NUDT2: variants seen among roughly 807,000 people sequenced by gnomAD.
NUDT2 encodes the protein nudix hydrolase 2.
NUDT2 carries 12 observed loss-of-function variants against 14.2 expected under a neutral mutation model. The observed-to-expected ratio is 0.84, with a 90% CI of 0.54 to 1.37. The LOEUF is 1.37. Ranked by LOEUF, NUDT2 falls within the 40% of genes most tolerant of loss-of-function variation. The pLI, the probability that NUDT2 is intolerant of heterozygous loss-of-function variation, is 0.00. For synonymous variants in NUDT2, 67 were observed against 67.4 expected, an observed-to-expected ratio of 0.99 and a Z score of 0.03; for missense variants, 167 against 176.7, an observed-to-expected ratio of 0.95 and a Z score of 0.31.
rs372039025 is a variant in NUDT2, at chr9:34,343,075, A to G, written c.128-49A>G. ...CTTGTCTGGAAAATCCAGCTTTGGG[A>G]ACTTTGGAAGATTTCCTCCTCCTTT... On this transcript the variant is annotated intron_variant, in intron 4 of 4. Coordinates refer to ENST00000379158, the MANE Select transcript of NUDT2 (RefSeq NM_001161.5). 46 of 1,506,522 alleles carry G rather than the reference A, an allele frequency of 3.1e-5. No individual in the cohort carries two copies. In the African/African-American group the frequency reaches 6.5e-4, roughly 21 times the overall value. The allele number at this position is 1,506,522 out of a possible 1,614,324, so 93.3% of individuals were successfully genotyped here. A position where few individuals can be genotyped will look rare whatever the true frequency, so the allele number is the denominator to read the frequency against.
intron 2 of NUDT2, among the ~76,000 whole-genome samples, chr9:34,338,156 TAAAA>T (rs74180557): frequency 6.4e-5 from 2 of 31,048 alleles, no homozygotes; most frequent in African/African-American, 1.6e-4. Context: ...CCCTGTTTCT[TAAAA>T]AAAAAAAAAA....
intron 4 of NUDT2, 87 bp downstream of exon 4, chr9:34,339,253 C>T (rs1587992387): frequency 6.6e-7 from 1 of 1,520,286 alleles, no homozygotes; most frequent in Non-Finnish European, 9.0e-7. Context: ...GGCTTAATTC[C>T]CAGTGACTGT....
chr9:34,332,394 G>T (rs1837966909), intron 1 of NUDT2, among the ~76,000 whole-genome samples: 1 of 152,134 alleles, frequency 6.6e-6, no homozygotes. Flanking sequence ...ACTGTAACTT[G>T]TCTGTTGGAA....
intron 4 of NUDT2, among the ~76,000 whole-genome samples, chr9:34,341,818 G>T (rs1489796155): frequency 6.6e-6 from 1 of 152,156 alleles, no homozygotes; most frequent in African/African-American, 2.4e-5. Context: ...ACCCTGGGGA[G>T]TTTTTTGTGC....
chr9:34,339,103 A>G lies in NUDT2; in HGVS notation c.64A>G (p.Asn22Asp). ...ATGCCTCATTCCCAAAGTGGACAAC[A>G]ATGCAATTGAGTTTTTACTGCTGCA... is the stretch of plus-strand genomic sequence containing the variant. ...RRCLIPKVDN[N>D]AIEFLLLQAS... is the part of the protein sequence containing the mutation. Residue 22 changes from asparagine (N) to aspartate (D), a missense_variant, in exon 4 of 5, where the codon AAT becomes GAT. Coordinates refer to ENST00000379158, the MANE Select transcript of NUDT2 (RefSeq NM_001161.5). 2 of 1,614,142 alleles carry G rather than the reference A, an allele frequency of 1.2e-6. No homozygotes were observed. The highest frequency in any genetic ancestry group is 1.7e-6 in the Non-Finnish European group (2 of 1,179,986).
intron 1 of NUDT2, among the ~76,000 whole-genome samples, chr9:34,334,652 G>A (rs1172495021): frequency 6.6e-6 from 1 of 152,218 alleles, no homozygotes; most frequent in Non-Finnish European, 1.5e-5. Context: ...GTTTGAGTGG[G>A]AGGTGGGGAG....
chr9:34,343,507 C>T lies in NUDT2; in HGVS notation c.*67C>T. 6 of 1,380,432 alleles carry T rather than the reference C, an allele frequency of 4.3e-6. No homozygotes were observed. Among genetic ancestry groups the T allele is most frequent in the Non-Finnish European group, 5.8e-6 (6 of 1,028,536 alleles). 85.5% of individuals were successfully genotyped at this position (1,380,432 alleles called of 1,614,324 possible). On this transcript the variant is annotated 3_prime_UTR_variant, in exon 5 of 5. Coordinates refer to ENST00000379158, the MANE Select transcript of NUDT2 (RefSeq NM_001161.5). ...GGGCCTTCTAAGATGAAGCCACCCTCAGGTCCAGGGAAGGTTGTGCTGGTA... is the reference window on the plus strand; with the variant it reads ...GGGCCTTCTAAGATGAAGCCACCCTTAGGTCCAGGGAAGGTTGTGCTGGTA...
intron 4 of NUDT2, 126 bp downstream of exon 4, chr9:34,339,292 G>A (rs1476945078): frequency 4.3e-6 from 5 of 1,151,278 alleles, no homozygotes; most frequent in Admixed American, 2.2e-5. Context: ...GAAGGTAGGA[G>A]CTCTTGACCC....
chr9:34,329,637 A>G (rs1217708980), intron 1 of NUDT2, 38 bp downstream of exon 1: 2 of 152,226 alleles, frequency 1.3e-5, no homozygotes, highest in Non-Finnish European at 2.9e-5. Context: ...TTTAGTTCTC[A>G]GTGGAGGAAA....
At chr9:34,334,775 T>C (rs1397005569) in intron 1 of NUDT2, among the ~76,000 whole-genome samples, 1 of 152,210 alleles carries the variant, frequency 6.6e-6, no homozygotes, top group Non-Finnish European at 1.5e-5. Context: ...AGATTTACTA[T>C]ACTAGGTATA....
intron 1 of NUDT2, among the ~76,000 whole-genome samples, chr9:34,332,036 A>C (rs191683719): frequency 1.1e-3 from 161 of 152,352 alleles, no homozygotes; most frequent in Middle Eastern, 0.01. Context: ...GGTCTGTTGC[A>C]ATAGACTTGT....
Position 34,338,156 on chromosome 9 carries a change from TAAAAAAAAAAAA to T in NUDT2, c.-151-542_-151-531del, listed in dbSNP as rs74180557. ...GGCAACATAGTAAGTCCCTGTTTCT[TAAAAAAAAAAAA>T]AAAAAAAAAAAAAAGGATAAAATAA... is the stretch of plus-strand genomic sequence containing the variant. On this transcript the variant is annotated intron_variant, in intron 2 of 4. Coordinates refer to ENST00000379158, the MANE Select transcript of NUDT2 (RefSeq NM_001161.5). Among the ~76,000 whole-genome samples the T allele has an allele frequency of 0.026, 805 of 31,086 alleles. 50 individuals carry two copies. The East Asian group carries it at 0.28, about 11-fold the overall frequency. The allele number at this position is 31,086 out of a possible 152,430, so 20.4% of individuals were successfully genotyped here. A position where few individuals can be genotyped will look rare whatever the true frequency, so the allele number is the denominator to read the frequency against.
intron 1 of NUDT2, 145 bp downstream of exon 1, chr9:34,329,744 G>GCTGCCAACCT (rs1837830144): frequency 6.6e-6 from 1 of 152,412 alleles, no homozygotes; most frequent in Non-Finnish European, 1.5e-5. Flanking sequence ...AGTGAGGTGT[G>GCTGCCAACCT]GGCAGGCCAG....
chr9:34,338,762 CT>C lies in NUDT2; in HGVS notation c.-101del, dbSNP rs1036339269. ...GTGTCACAACAAACACATGCCAGCC[CT>C]GTTTTACAGGGAGCCCTGGAGGAGT... On this transcript the variant is annotated 5_prime_UTR_variant, in exon 3 of 5. An upstream open reading frame in the 5' UTR loses its in-frame stop. Coordinates refer to ENST00000379158, the MANE Select transcript of NUDT2 (RefSeq NM_001161.5). 3.7e-5 allele frequency: 9 copies of C among 245,808 alleles called. No individual in the cohort carries two copies. The highest frequency in any genetic ancestry group is 2.0e-4 in the African/African-American group (9 of 45,232). The allele number at this position is 245,808 out of a possible 1,614,324, so 15.2% of individuals were successfully genotyped here. A position where few individuals can be genotyped will look rare whatever the true frequency, so the allele number is the denominator to read the frequency against.
In NUDT2 at chr9:34,338,804, A is replaced by G. The variant is rs922149553; in HGVS notation, c.-60A>G. On this transcript the variant is annotated 5_prime_UTR_variant, in exon 3 of 5. Coordinates refer to ENST00000379158, the MANE Select transcript of NUDT2 (RefSeq NM_001161.5). ...CTGGAGGAGTTGGGATAGAGGCCAC[A>G]TTGACTGAGGGTAGTTGCCAGGGTC... The G allele has an allele frequency of 2.9e-6, 1 of 343,444 alleles. No individual in the cohort carries two copies. 21.3% of individuals were successfully genotyped at this position (343,444 alleles called of 1,614,324 possible). A position where few individuals can be genotyped will look rare whatever the true frequency, so the allele number is the denominator to read the frequency against.
At chr9:34,336,996 C>CTTTTTTT (rs145996244) in intron 2 of NUDT2, among the ~76,000 whole-genome samples, 2 of 109,210 alleles carry the variant, frequency 1.8e-5, no homozygotes, top group African/African-American at 3.4e-5. Flanking sequence ...ATATGTACAT[C>CTTTTTTT]TTTTTTTTTT....
chr9:34,334,380 C>T (rs1268284174), intron 1 of NUDT2, among the ~76,000 whole-genome samples: 16 of 152,150 alleles, frequency 1.1e-4, no homozygotes, highest in Admixed American at 1.0e-3. Context: ...CTGCTGTCAG[C>T]CTGGAGTTCT....
chr9:34,333,149 A>AGGC (rs1563972124), intron 1 of NUDT2, among the ~76,000 whole-genome samples: 1 of 152,124 alleles, frequency 6.6e-6, no homozygotes, highest in Non-Finnish European at 1.5e-5. Flanking sequence ...AGAGCAGAGG[A>AGGC]GGCATAGAAA....
chr9:34,338,307 A>G (rs541635821), intron 2 of NUDT2, among the ~76,000 whole-genome samples: 55 of 134,312 alleles, frequency 4.1e-4, no homozygotes, highest in Non-Finnish European at 7.7e-4. Flanking sequence ...AGCCTGGGCA[A>G]TATAGTGAGA....
Sources: allele counts gnomAD v4.1 joint callset (sites outside exome capture counted in the v4.1 genomes callset), GRCh38; gene constraint gnomAD v4.1.1; transcripts MANE v1.5; gene names NCBI Gene and HGNC (gene_info 2026-07-23, HGNC 2026-07-21).